Variants in LGALS4 observed in about 807,000 individuals in gnomAD.
The protein encoded by LGALS4 is galectin 4.
A neutral mutation model predicts 39.6 loss-of-function variants in LGALS4; 37 were observed. The observed-to-expected ratio is 0.93, with a 90% CI of 0.72 to 1.23. The LOEUF is 1.23. Ranked by LOEUF, LGALS4 falls within the 50% of genes most tolerant of loss-of-function variation. The pLI is 0.00. For missense variants in LGALS4, 397 were observed against 433.2 expected, an observed-to-expected ratio of 0.92 and a Z score of 0.74; for synonymous variants, 160 against 165.5, an observed-to-expected ratio of 0.97 and a Z score of 0.25.
In LGALS4 at chr19:38,803,522, C is replaced by A. The variant is rs532044244; in HGVS notation, c.570G>T (p.Pro190=). ...PTMEGPPTFN[P]PVPYFGRLQG... is the part of the protein sequence containing the mutation. ...CCATCTCTGTTTCCCCAAGCCATAC[C>A]GGGTTGAAGGTTGGGGGTCCTTCCA... Residue 190 remains proline (P), a splice_region_variant and synonymous_variant, in exon 7 of 10, where the codon CCG becomes CCT. Coordinates refer to ENST00000307751, the MANE Select transcript of LGALS4 (RefSeq NM_006149.4). 3.1e-6 allele frequency: 5 copies of A among 1,614,018 alleles called. No individual in the cohort carries two copies. The South Asian group carries it at 3.3e-5, about 11-fold the overall frequency.
chr19:38,811,417 G>C (rs1212391352), intron 2 of LGALS4, among the ~76,000 whole-genome samples: 1 of 152,020 alleles, frequency 6.6e-6, no homozygotes, highest in Non-Finnish European at 1.5e-5. Flanking sequence ...AGGATCGCTT[G>C]AGCACAGGAG....
chr19:38,812,843 G>A lies in LGALS4; in HGVS notation c.44C>T (p.Pro15Leu), dbSNP rs768657778. 15 of 1,611,566 alleles carry A rather than the reference G, an allele frequency of 9.3e-6. No homozygotes were observed. The highest frequency in any genetic ancestry group is 2.7e-5 in the African/African-American group (2 of 75,026). ...GTGGGGCCTGAGCTGGCATCTCACC[G>A]GGTTGTAGGTGGGCTGGTAGCCCGG... ...PAPGYQPTYNPTLPYYQPIPG... is the reference protein window; with the variant it reads ...PAPGYQPTYNLTLPYYQPIPG... Residue 15 changes from proline to leucine, a missense_variant and splice_region_variant, in exon 1 of 10, where the codon CCG becomes CTG. Physicochemically the swap from Pro to Leu is moderately conservative, Grantham distance 98. Coordinates refer to ENST00000307751, the MANE Select transcript of LGALS4 (RefSeq NM_006149.4).
At chr19:38,808,722 A>G (rs1035525) in intron 3 of LGALS4, 22 bp downstream of exon 3, 440,528 of 1,602,320 alleles carry the variant, frequency 0.27, 64,617 homozygotes, top group African/African-American at 0.53. Flanking sequence ...AGCTTGGGAA[A>G]CAAGAGAGAA....
intron 4 of LGALS4, 118 bp from the exon 5 acceptor site, chr19:38,804,013 T>G: frequency 1.7e-6 from 2 of 1,187,186 alleles, no homozygotes; most frequent in Non-Finnish European, 2.4e-6. Flanking sequence ...CAGAGAACTC[T>G]GGCATCAAAG....
At chr19:38,803,673 T>C in intron 6 of LGALS4, 69 bp downstream of exon 6, 4 of 1,598,354 alleles carry the variant, frequency 2.5e-6, no homozygotes, top group Non-Finnish European at 2.6e-6. Flanking sequence ...CAACCCCTCT[T>C]AGCTCCCCCT....
In LGALS4 at chr19:38,801,747, A is replaced by C; in HGVS notation, c.*17T>G. 2.5e-6 allele frequency: 4 copies of C among 1,613,534 alleles called. No individual in the cohort carries two copies. Among genetic ancestry groups the C allele is most frequent in the Non-Finnish European group, 3.4e-6 (4 of 1,179,628 alleles). ...GGATAATTCTGTTTTCCCATGAGTT[A>C]TGGCCCCAGGAATAGATTAGATCTG... On this transcript the variant is annotated 3_prime_UTR_variant, in exon 10 of 10. Coordinates refer to ENST00000307751, the MANE Select transcript of LGALS4 (RefSeq NM_006149.4).
At chr19:38,803,703 C>T (rs367769101) in intron 6 of LGALS4, 39 bp downstream of exon 6, 155 of 1,608,258 alleles carry the variant, frequency 9.6e-5, no homozygotes, top group Non-Finnish European at 1.3e-4. Context: ...CTCACCATTC[C>T]CACTCCTCAC....
chr19:38,812,516 G>A lies in LGALS4; in HGVS notation c.49C>T (p.Leu17=), dbSNP rs1256193963. The A allele has an allele frequency of 1.2e-6, 2 of 1,614,010 alleles. No individual in the cohort carries two copies. The highest frequency in any genetic ancestry group is 1.1e-5 in the South Asian group (1 of 91,092). The change falls in exon 2 of 10, where the codon CTG becomes TTG. Residue 17 remains leucine, a synonymous_variant. Coordinates refer to ENST00000307751, the MANE Select transcript of LGALS4 (RefSeq NM_006149.4). Reference sequence around the variant, plus strand: ...CCCGGGATGGGCTGGTAGTAAGGCAGCGTCTGGAGAAGAGGCCTGGTGAGG... The same window carrying A: ...CCCGGGATGGGCTGGTAGTAAGGCAACGTCTGGAGAAGAGGCCTGGTGAGG... The part of the protein sequence containing the change: ...PGYQPTYNPT[L]PYYQPIPGGL...
Position 38,802,422 on chromosome 19 carries a change from GGGGT to G in LGALS4, c.571-22_571-19del. The G allele has an allele frequency of 1.2e-6, 2 of 1,602,828 alleles. No homozygotes were observed. Among genetic ancestry groups the G allele is most frequent in the Non-Finnish European group, 1.7e-6 (2 of 1,169,722 alleles). ...GGCACAGGCTGTGGGAAGAGAACGG[GGGGT>G]CCCATTCTCTCTCAGCTTAGCAGAG... is the stretch of plus-strand genomic sequence containing the variant. On this transcript the variant is annotated intron_variant, in intron 7 of 9. Transcript: ENST00000307751.
At chr19:38,806,021 A>C (rs917095154) in intron 4 of LGALS4, among the ~76,000 whole-genome samples, 2 of 152,076 alleles carry the variant, frequency 1.3e-5, no homozygotes, top group Non-Finnish European at 2.9e-5. Context: ...GCAGTGAGCC[A>C]GAATCACACC....
chr19:38,808,830 C>T lies in LGALS4; in HGVS notation c.253G>A (p.Gly85Ser), dbSNP rs1455839165. 5.6e-6 allele frequency: 9 copies of T among 1,614,122 alleles called. No homozygotes were observed. The highest frequency in any genetic ancestry group is 3.3e-5 in the Admixed American group (2 of 60,008). ...VFNTLQGGKW[G>S]SEERKRSMPF... ...ATGCTCCTCTTCCTCTCCTCGCTGC[C>T]CCACTTCCCGCCCTGCAACGTGTTG... The change falls in exon 3 of 10, where the codon GGC becomes AGC. Residue 85 changes from glycine to serine, a missense_variant. Transcript: ENST00000307751.
In LGALS4 at chr19:38,808,793, T is replaced by C. The variant is rs1216407045; in HGVS notation, c.290A>G (p.Lys97Arg). Residue 97 changes from lysine to arginine, a missense_variant, in exon 3 of 10, where the codon AAG (lysine) becomes AGG (arginine). By Grantham distance (26) the Lys-to-Arg change is conservative. Coordinates refer to ENST00000307751, the MANE Select transcript of LGALS4 (RefSeq NM_006149.4). Reference sequence around the variant, plus strand: ...GAAGACCAGCTCAAAGGCGGCACCCTTTTTGAAGGGCATGCTCCTCTTCCT... The same window carrying C: ...GAAGACCAGCTCAAAGGCGGCACCCCTTTTGAAGGGCATGCTCCTCTTCCT... ...EERKRSMPFK[K>R]GAAFELVFIV... 6.2e-7 allele frequency: 1 copy of C among 1,614,156 alleles called. No individual in the cohort carries two copies. The highest frequency in any genetic ancestry group is 2.2e-5 in the East Asian group (1 of 44,878).
At chr19:38,808,697 G>A in intron 3 of LGALS4, 47 bp downstream of exon 3, 4 of 1,463,092 alleles carry the variant, frequency 2.7e-6, no homozygotes, top group Non-Finnish European at 3.8e-6. Context: ...AGCCAAGATG[G>A]CGCCACTGCA....
chr19:38,812,571 C>T (rs1393792667), intron 1 of LGALS4, 52 bp from the exon 2 acceptor site: 1 of 1,529,380 alleles, frequency 6.5e-7, no homozygotes. Flanking sequence ...CTGTTGCAGC[C>T]TTTACCCCTC....
In LGALS4 at chr19:38,808,798, G is replaced by T. The variant is rs752954786; in HGVS notation, c.285C>A (p.Phe95Leu). The part of the protein sequence containing the change: ...GSEERKRSMP[F>L]KKGAAFELVF... ...CCAGCTCAAAGGCGGCACCCTTTTT[G>T]AAGGGCATGCTCCTCTTCCTCTCCT... is the stretch of plus-strand genomic sequence containing the variant. Residue 95 changes from phenylalanine (F) to leucine (L), a missense_variant, in exon 3 of 10, where the codon TTC becomes TTA. By Grantham distance (22) the Phe-to-Leu change is conservative. Coordinates refer to ENST00000307751, the MANE Select transcript of LGALS4 (RefSeq NM_006149.4). The T allele has an allele frequency of 6.2e-7, 1 of 1,614,110 alleles. No homozygotes were observed. The highest frequency in any genetic ancestry group is 8.5e-7 in the Non-Finnish European group (1 of 1,180,006).
chr19:38,812,939 A>G lies in LGALS4; in HGVS notation c.-53T>C, dbSNP rs2145364257. 1 of 1,569,230 alleles carries G rather than the reference A, an allele frequency of 6.4e-7. No individual in the cohort carries two copies. The highest frequency in any genetic ancestry group is 8.7e-7 in the Non-Finnish European group (1 of 1,147,834). ...CTGTGAGAAGAGCTGCAGGAGTGGG[A>G]GATGGTGGCGGATGGCAGGCGGTGG... On this transcript the variant is annotated 5_prime_UTR_variant, in exon 1 of 10. Coordinates refer to ENST00000307751, the MANE Select transcript of LGALS4 (RefSeq NM_006149.4).
At chr19:38,808,674 G>A in intron 3 of LGALS4, 70 bp downstream of exon 3, 4 of 1,198,024 alleles carry the variant, frequency 3.3e-6, no homozygotes, top group Non-Finnish European at 4.8e-6. Context: ...AGGAAGGCGG[G>A]AAGGAAGGAA....
rs865975578 is a variant in LGALS4, at chr19:38,801,702, G to A, written c.*62C>T. 1 of 1,558,226 alleles carries A rather than the reference G, an allele frequency of 6.4e-7. No individual in the cohort carries two copies. Among genetic ancestry groups the A allele is most frequent in the South Asian group, 1.1e-5 (1 of 87,124 alleles). Reference sequence around the variant, plus strand: ...GACACCCTCAGACATTTTATTAGGGGCTTAGAAAGGAGTCCTAGGGGATAA... The same window carrying A: ...GACACCCTCAGACATTTTATTAGGGACTTAGAAAGGAGTCCTAGGGGATAA... On this transcript the variant is annotated 3_prime_UTR_variant, in exon 10 of 10. Transcript: ENST00000307751.
chr19:38,802,552 T>C, intron 7 of LGALS4, 148 bp from the exon 8 acceptor site: 2 of 640,052 alleles, frequency 3.1e-6, no homozygotes. Context: ...TGGAGTGCAG[T>C]GGCATGATCA....
Sources: allele counts gnomAD v4.1 joint callset (sites outside exome capture counted in the v4.1 genomes callset), GRCh38; gene constraint gnomAD v4.1.1; transcripts MANE v1.5; gene names NCBI Gene and HGNC (gene_info 2026-07-23, HGNC 2026-07-21).